ZNF69: variants seen among roughly 807,000 people sequenced by gnomAD.
The protein encoded by ZNF69 is ZNF3.
A neutral mutation model predicts 50.9 loss-of-function variants in ZNF69; 47 were observed. The ratio of observed to expected loss-of-function variants is 0.92; its 90% CI spans 0.73 to 1.18. The LOEUF is 1.18. Among genes scored for constraint, ZNF69 ranks in the 50% most tolerant of loss-of-function variants. The probability of loss-of-function intolerance (pLI) is 0.00; values close to 1 mark genes in which losing one functional copy is unlikely to be tolerated. For missense variants in ZNF69, 717 were observed against 675.1 expected, an observed-to-expected ratio of 1.06 and a Z score of -0.69; for synonymous variants, 216 against 223.1, an observed-to-expected ratio of 0.97 and a Z score of 0.29.
At chr19:11,891,357 T>G (rs1599342392) in intron 1 of ZNF69, among the ~76,000 whole-genome samples, 2 of 130,962 alleles carry the variant, frequency 1.5e-5, no homozygotes, top group East Asian at 2.1e-4. Context: ...GCCAATGCAG[T>G]GAGAGCCTGT....
chr19:11,937,836 T>C, the ZNF69 span, among the ~76,000 whole-genome samples: 1 of 152,290 alleles, frequency 6.6e-6, no homozygotes, highest in South Asian at 2.1e-4. Flanking sequence ...TTATGGAATC[T>C]TCTCTTGTAT....
At chr19:11,902,231 C>T (rs1449692014) in intron 1 of ZNF69, among the ~76,000 whole-genome samples, 5 of 152,092 alleles carry the variant, frequency 3.3e-5, no homozygotes, top group Admixed American at 2.6e-4. Flanking sequence ...ATCTGCCCGC[C>T]TCAGTCTTCC....
At chr19:11,918,493 C>T (rs1972540347), downstream of ZNF69, among the ~76,000 whole-genome samples, 1 of 152,058 alleles carries the variant, frequency 6.6e-6, no homozygotes, top group Non-Finnish European at 1.5e-5. Flanking sequence ...TCCTCGTTTT[C>T]TTTTATTTTA....
chr19:11,950,272 C>T, the ZNF69 span: 40 of 1,594,024 alleles, frequency 2.5e-5, no homozygotes, highest in South Asian at 4.3e-4. Context: ...CTTTTATGGA[C>T]ATGAATAGAC....
At chr19:11,909,036 A>G (rs1325324223), downstream of ZNF69, among the ~76,000 whole-genome samples, 2 of 152,270 alleles carry the variant, frequency 1.3e-5, no homozygotes, top group Admixed American at 6.5e-5. Flanking sequence ...AGAGAGTACT[A>G]TAAATACCTC....
At chr19:11,956,602 T>C in the ZNF69 span, 1 of 398,478 alleles carries the variant, frequency 2.5e-6, no homozygotes, top group African/African-American at 2.1e-5. Flanking sequence ...ACACCTGTAA[T>C]CCCAGCACTT....
rs546304752 is a variant in ZNF69 at position 11,905,401 on chromosome 19, C to T, written c.1004C>T (p.Thr335Met). 9.1e-5 allele frequency: 147 copies of T among 1,613,954 alleles called. No individual in the cohort carries two copies. Among genetic ancestry groups the T allele is most frequent in the Admixed American group, 1.2e-4 (7 of 59,978 alleles). The change falls in exon 4 of 4, where the codon ACG becomes ATG. Residue 335 changes from threonine (T) to methionine (M), a missense_variant. Physicochemically the swap from Thr to Met is moderately conservative, Grantham distance 81 (BLOSUM62 -1). Transcript: ENST00000429654. ...TCTAGGAAAAAACCCTATGAATGTA[C>T]GCAGTGTGGGAAAGCATTATCCTCT... ...THSRKKPYEC[T>M]QCGKALSSLT...
the ZNF69 span, among the ~76,000 whole-genome samples, chr19:11,935,798 G>A: frequency 6.6e-6 from 1 of 152,150 alleles, no homozygotes; most frequent in Admixed American, 6.5e-5. Context: ...GTGTTGGTTT[G>A]TTGCACCCAT....
chr19:11,888,046 C>A, intron 1 of ZNF69, 60 bp downstream of exon 1: 2 of 1,545,676 alleles, frequency 1.3e-6, no homozygotes, highest in Non-Finnish European at 1.8e-6. Context: ...CCGACCGGAA[C>A]CGACTGTGGC....
the ZNF69 span, among the ~76,000 whole-genome samples, chr19:11,957,777 G>A: frequency 6.6e-6 from 1 of 151,940 alleles, no homozygotes; most frequent in African/African-American, 2.4e-5. Flanking sequence ...CCAGGGAGGC[G>A]GAGGTTGCAG....
chr19:11,903,277 A>G (rs1003153706), intron 1 of ZNF69, among the ~76,000 whole-genome samples: 1 of 150,668 alleles, frequency 6.6e-6, no homozygotes, highest in Non-Finnish European at 1.5e-5. Context: ...TACAACATTA[A>G]CCAGGCATGG....
At chr19:11,978,743 A>G in the ZNF69 span, 1 of 1,614,026 alleles carries the variant, frequency 6.2e-7, no homozygotes. Context: ...CTTTTCAAGC[A>G]CATAAAAGAA....
downstream of ZNF69, among the ~76,000 whole-genome samples, chr19:11,918,571 G>T (rs1484495264): frequency 6.6e-6 from 1 of 151,882 alleles, no homozygotes; most frequent in Non-Finnish European, 1.5e-5. Flanking sequence ...GCAGCATCAA[G>T]CTCCTGGGCT....
the ZNF69 span, among the ~76,000 whole-genome samples, chr19:11,952,718 A>T: frequency 2.0e-5 from 3 of 152,310 alleles, no homozygotes; most frequent in African/African-American, 7.2e-5. Context: ...TGAAGGGTGG[A>T]GTCATTGATT....
intron 1 of ZNF69, among the ~76,000 whole-genome samples, chr19:11,895,738 T>C (rs1458065194): frequency 6.6e-6 from 1 of 151,826 alleles, no homozygotes; most frequent in Non-Finnish European, 1.5e-5. Context: ...TAAGGTAACA[T>C]ATAACTATAA....
the ZNF69 span, among the ~76,000 whole-genome samples, chr19:11,926,348 C>G: frequency 0.18 from 26,874 of 152,014 alleles, 5,099 homozygotes; most frequent in African/African-American, 0.48. Flanking sequence ...GGGTTTTTTG[C>G]GGGTCCTGTT....
chr19:11,921,795 G>T, the ZNF69 span, among the ~76,000 whole-genome samples: 1 of 152,078 alleles, frequency 6.6e-6, no homozygotes, highest in Non-Finnish European at 1.5e-5. Context: ...GAGCCACTGC[G>T]CCCGGCCCTG....
chr19:11,899,095 TCTATCTC>T (rs1972188955), intron 1 of ZNF69, among the ~76,000 whole-genome samples: 1 of 152,142 alleles, frequency 6.6e-6, no homozygotes, highest in African/African-American at 2.4e-5. Flanking sequence ...TCCTCCTAAT[TCTATCTC>T]TCCCTTCCCT....
chr19:11,970,669 G>T, the ZNF69 span, among the ~76,000 whole-genome samples: 11,878 of 152,154 alleles, frequency 0.078, 823 homozygotes, highest in African/African-American at 0.19. Context: ...TCCAGAGCAG[G>T]TGCAGTGGCT....
Sources: allele counts gnomAD v4.1 joint callset (sites outside exome capture counted in the v4.1 genomes callset), GRCh38; gene constraint gnomAD v4.1.1; transcripts MANE v1.5; gene names NCBI Gene and HGNC (gene_info 2026-07-23, HGNC 2026-07-21).